The following STAG1 variants were observed in gnomAD, a reference collection of about 807,000 sequenced individuals.
STAG1 encodes STAG1 cohesin complex component, also known as cohesin subunit SA-1.
In STAG1, 26 loss-of-function variants were observed where a neutral mutation model predicts 170.9. That is an observed-to-expected ratio of 0.15 (90% CI 0.11 to 0.21). The LOEUF (loss-of-function observed/expected upper bound fraction) is 0.21. Among genes scored for constraint, STAG1 ranks in the 10% least tolerant of loss-of-function variants. The probability of loss-of-function intolerance (pLI) is 1.00; values close to 1 mark genes in which losing one functional copy is unlikely to be tolerated. For synonymous variants in STAG1, 514 were observed against 497.7 expected (o/e 1.03, Z -0.44); for missense variants, 964 against 1,509.5 (o/e 0.64, Z 5.99).
intron 21 of STAG1, among the ~76,000 whole-genome samples, chr3:136,407,120 G>T (rs1410938847): frequency 6.6e-6 from 1 of 152,056 alleles, no homozygotes. Context: ...TCGGCCTCTG[G>T]GGTTCAAGCG....
chr3:136,708,134 C>G (rs1254217213), intron 1 of STAG1, among the ~76,000 whole-genome samples: 1 of 152,088 alleles, frequency 6.6e-6, no homozygotes, highest in African/African-American at 2.4e-5. Context: ...TCCAGAAATT[C>G]CACTTCTAGG....
At chr3:136,675,916 T>A (rs1199546401) in intron 1 of STAG1, among the ~76,000 whole-genome samples, 1 of 152,228 alleles carries the variant, frequency 6.6e-6, no homozygotes, top group Non-Finnish European at 1.5e-5. Flanking sequence ...CTCAGAAAAT[T>A]TTCTTTACAA....
chr3:136,518,438 T>C lies in STAG1; in HGVS notation c.676+2775A>G, dbSNP rs1166023366. ...GTCCTGCAAAGTGAATAAAAATGATTATCTTTTAATCTATTCCTCGTACAT... is the reference window on the plus strand; with the variant it reads ...GTCCTGCAAAGTGAATAAAAATGATCATCTTTTAATCTATTCCTCGTACAT... On this transcript the variant is annotated intron_variant, in intron 7 of 33. Coordinates refer to ENST00000383202, the MANE Select transcript of STAG1 (RefSeq NM_005862.3). The C allele has an allele frequency of 4.3e-6, 3 of 700,114 alleles. No individual in the cohort carries two copies. In the East Asian group the frequency reaches 8.1e-5, roughly 19 times the overall value. 43.4% of individuals were successfully genotyped at this position (700,114 alleles called of 1,614,324 possible). A position where few individuals can be genotyped will look rare whatever the true frequency, so the allele number is the denominator to read the frequency against.
intron 1 of STAG1, chr3:136,736,500 C>G: frequency 7.2e-7 from 1 of 1,388,512 alleles, no homozygotes; most frequent in East Asian, 2.3e-5. Flanking sequence ...TGGTCATTCA[C>G]GCTGCTCCAT....
chr3:136,405,304 T>C (rs1371915440), intron 21 of STAG1, among the ~76,000 whole-genome samples: 1 of 138,766 alleles, frequency 7.2e-6, no homozygotes, highest in Non-Finnish European at 1.5e-5. Flanking sequence ...TGCAGTGGCA[T>C]GATCTCGGCT....
At chr3:136,638,146 G>A in intron 1 of STAG1, among the ~76,000 whole-genome samples, 1 of 145,716 alleles carries the variant, frequency 6.9e-6, no homozygotes, top group South Asian at 2.2e-4. Context: ...TTTTTTTTGA[G>A]ACAGAGTTTT....
At chr3:136,725,404 T>C (rs1576816631) in intron 1 of STAG1, among the ~76,000 whole-genome samples, 4 of 152,336 alleles carry the variant, frequency 2.6e-5, no homozygotes, top group African/African-American at 7.2e-5. Context: ...TCCATGCATG[T>C]TGTGTTTAAC....
At chr3:136,395,587 C>G (rs1361534073) in intron 22 of STAG1, among the ~76,000 whole-genome samples, 3 of 152,020 alleles carry the variant, frequency 2.0e-5, no homozygotes, top group African/African-American at 4.8e-5. Context: ...CACCACTGCA[C>G]TCCTCCAGCC....
intron 4 of STAG1, among the ~76,000 whole-genome samples, chr3:136,591,270 G>A (rs1938158830): frequency 6.8e-6 from 1 of 147,996 alleles, no homozygotes; most frequent in African/African-American, 2.5e-5. Flanking sequence ...GAGGGAGGAG[G>A]GGAGGAGGGA....
chr3:136,415,719 G>A (rs1250323990), intron 21 of STAG1, among the ~76,000 whole-genome samples: 1 of 152,078 alleles, frequency 6.6e-6, no homozygotes, highest in African/African-American at 2.4e-5. Context: ...CTACTCAGGC[G>A]GCCGAGGCGG....
At chr3:136,450,833 C>T (rs1368110554) in intron 14 of STAG1, among the ~76,000 whole-genome samples, 3 of 152,174 alleles carry the variant, frequency 2.0e-5, no homozygotes, top group Non-Finnish European at 4.4e-5. Flanking sequence ...CATGCAACCT[C>T]TGCCTCCTGG....
intron 28 of STAG1, among the ~76,000 whole-genome samples, chr3:136,357,010 C>T (rs1432546880): frequency 1.3e-5 from 2 of 151,564 alleles, no homozygotes; most frequent in African/African-American, 4.8e-5. Context: ...TGCAGTGGTG[C>T]GATCTCGGCT....
chr3:136,659,930 G>C (rs1941521008), intron 1 of STAG1, among the ~76,000 whole-genome samples: 1 of 152,108 alleles, frequency 6.6e-6, no homozygotes, highest in African/African-American at 2.4e-5. Context: ...TGTAATCCCA[G>C]AACTTTGGAA....
intron 7 of STAG1, among the ~76,000 whole-genome samples, chr3:136,513,041 A>G (rs1387081552): frequency 6.6e-6 from 1 of 152,216 alleles, no homozygotes; most frequent in Non-Finnish European, 1.5e-5. Flanking sequence ...GAAACACAGA[A>G]TATTTCAAAA....
intron 7 of STAG1, among the ~76,000 whole-genome samples, chr3:136,508,413 C>T (rs572746909): frequency 6.6e-6 from 1 of 152,226 alleles, no homozygotes; most frequent in African/African-American, 2.4e-5. Flanking sequence ...CTAGGCTGAG[C>T]ATGATGGCTC....
chr3:136,468,558 A>G (rs1350261869), intron 12 of STAG1, among the ~76,000 whole-genome samples: 1 of 152,236 alleles, frequency 6.6e-6, no homozygotes, highest in African/African-American at 2.4e-5. Context: ...ATGGATTCAC[A>G]GTCGAATTCT....
chr3:136,610,342 G>C (rs1374587568), intron 3 of STAG1, among the ~76,000 whole-genome samples: 3 of 152,068 alleles, frequency 2.0e-5, no homozygotes, highest in Admixed American at 6.6e-5. Context: ...GCCTTTAGCA[G>C]GATTTTCTAA....
chr3:136,452,225 G>A, intron 13 of STAG1, 78 bp from the exon 14 acceptor site: 1 of 878,248 alleles, frequency 1.1e-6, no homozygotes, highest in South Asian at 1.4e-5. Flanking sequence ...AATCATTTCA[G>A]TGTTTAACAA....
chr3:136,604,518 T>C, intron 3 of STAG1, 45 bp from the exon 4 acceptor site: 1 of 1,520,994 alleles, frequency 6.6e-7, no homozygotes, highest in Non-Finnish European at 8.9e-7. Flanking sequence ...AGGTTTACTT[T>C]GCTTTATATA....
Sources: allele counts gnomAD v4.1 joint callset (sites outside exome capture counted in the v4.1 genomes callset), GRCh38; gene constraint gnomAD v4.1.1; transcripts MANE v1.5; gene names NCBI Gene and HGNC (gene_info 2026-07-23, HGNC 2026-07-21).